STRN4: variants seen among roughly 807,000 people sequenced by gnomAD.
STRN4 encodes the protein striatin 4.
In STRN4, 27 loss-of-function variants were observed where a neutral mutation model predicts 77.9. That is an observed-to-expected ratio of 0.35 (90% CI 0.26 to 0.48). The LOEUF is 0.48. Among genes scored for constraint, STRN4 ranks in the 20% least tolerant of loss-of-function variants. The pLI is 0.99. For missense variants in STRN4, 798 were observed against 1,049.7 expected (o/e 0.76, Z 3.31); for synonymous variants, 466 against 443.1 (o/e 1.05, Z -0.65).
In STRN4 at chr19:46,723,423, C is replaced by T. The variant is rs112959896; in HGVS notation, c.1595-139G>A. On this transcript the variant is annotated intron_variant, in intron 12 of 17. Transcript: ENST00000263280. The surrounding 1 kb of genome is among the most constrained non-coding windows in gnomAD (Gnocchi z 5.5). ...CACCCACTTCACACCTGGTGCCCCT[C>T]GGAACTGTCCACTGCCAGGACAGCC... 1.1e-5 allele frequency: 12 copies of T among 1,110,298 alleles called. No individual in the cohort carries two copies. Among genetic ancestry groups the T allele is most frequent in the Admixed American group, 2.8e-5 (1 of 35,760 alleles). 68.8% of individuals were successfully genotyped at this position (1,110,298 alleles called of 1,614,324 possible). A position where few individuals can be genotyped will look rare whatever the true frequency, so the allele number is the denominator to read the frequency against.
chr19:46,728,784 C>T lies in STRN4; in HGVS notation c.880-7G>A. 2 of 1,613,868 alleles carry T rather than the reference C, an allele frequency of 1.2e-6. No homozygotes were observed. The highest frequency in any genetic ancestry group is 1.7e-6 in the Non-Finnish European group (2 of 1,179,810). On this transcript the variant is annotated splice_region_variant and splice_polypyrimidine_tract_variant and intron_variant, in intron 6 of 17. Coordinates refer to ENST00000263280, the MANE Select transcript of STRN4 (RefSeq NM_013403.3). ...CCAGAGCCTTGGATGGGAGCTGGCA[C>T]ATGGAGAAAGCCAGACAAGTCAGGG... is the stretch of plus-strand genomic sequence containing the variant.
In STRN4 at chr19:46,746,285, C is replaced by T; in HGVS notation, c.146G>A (p.Gly49Asp). Residue 49 changes from glycine (G) to aspartate (D), a missense_variant, in exon 1 of 18, where the codon GGC becomes GAC. Gly to Asp is a moderately conservative substitution (Grantham distance 94, BLOSUM62 -1). Transcript: ENST00000263280. ...CGTGGGCCCGGGGCTGCCTCCGCCG[C>T]CGCCTCCCTTACCTGCCGGGCCCGG... is the stretch of plus-strand genomic sequence containing the variant. ...PGPGPAGKGG[G>D]GGGSPGPTAG... 1 of 1,446,518 alleles carries T rather than the reference C, an allele frequency of 6.9e-7. No homozygotes were observed. Among genetic ancestry groups the T allele is most frequent in the Non-Finnish European group, 9.1e-7 (1 of 1,102,226 alleles). The allele number at this position is 1,446,518 out of a possible 1,614,324, so 89.6% of individuals were successfully genotyped here. A position where few individuals can be genotyped will look rare whatever the true frequency, so the allele number is the denominator to read the frequency against.
chr19:46,728,958 G>A, intron 6 of STRN4, 181 bp from the exon 7 acceptor site: 1 of 803,014 alleles, frequency 1.2e-6, no homozygotes, highest in Non-Finnish European at 1.9e-6. Flanking sequence ...GCTACCACTA[G>A]GGCCGGTCGG....
At chr19:46,724,609 C>T (rs542343897) in intron 12 of STRN4, among the ~76,000 whole-genome samples, 198 bp downstream of exon 12, 23 of 152,280 alleles carry the variant, frequency 1.5e-4, no homozygotes, top group Non-Finnish European at 2.9e-4. Flanking sequence ...CTCCCACAGC[C>T]ATCATTCCCA....
Position 46,720,836 on chromosome 19 carries a change from C to A in STRN4, c.2093-65G>T, listed in dbSNP as rs1471982902. 2.0e-6 allele frequency: 3 copies of A among 1,471,108 alleles called. No homozygotes were observed. The African/African-American group carries it at 4.3e-5, about 21-fold the overall frequency. 91.1% of individuals were successfully genotyped at this position (1,471,108 alleles called of 1,614,324 possible). A position where few individuals can be genotyped will look rare whatever the true frequency, so the allele number is the denominator to read the frequency against. On this transcript the variant is annotated intron_variant, in intron 16 of 17. Transcript: ENST00000263280. ...TCCTCGCTCAGACGCAGCCCTGGAA[C>A]CCCTCACCTGGCCTTGTCCAAAGGC...
intron 17 of STRN4, 94 bp from the exon 18 acceptor site, chr19:46,720,432 G>T: frequency 1.2e-6 from 1 of 822,696 alleles, no homozygotes; most frequent in Non-Finnish European, 1.7e-6. Context: ...GGCTCCCCCA[G>T]TGATTCTCAC....
intron 4 of STRN4, among the ~76,000 whole-genome samples, chr19:46,734,303 T>C (rs946373757): frequency 2.0e-5 from 3 of 152,216 alleles, no homozygotes; most frequent in Admixed American, 6.5e-5. Context: ...GTGGAAAATG[T>C]TTAGCACAGT....
At chr19:46,743,160 A>G (rs771285339) in intron 1 of STRN4, among the ~76,000 whole-genome samples, 2 of 152,346 alleles carry the variant, frequency 1.3e-5, no homozygotes, top group African/African-American at 2.4e-5. Context: ...CATAAGCACA[A>G]TAACTCTTCT....
Position 46,728,721 on chromosome 19 carries a change from A to C in STRN4, c.936T>G (p.Ser312=). Residue 312 remains serine, a synonymous_variant, in exon 7 of 18, where the codon TCT becomes TCG. Coordinates refer to ENST00000263280, the MANE Select transcript of STRN4 (RefSeq NM_013403.3). ...EMEDEDEEDD[S]EDAINEFDFL... ...AATCAAACTCATTGATAGCATCCTCAGAGTCGTCTTCCTCATCCTCGTCTT... is the reference window on the plus strand; with the variant it reads ...AATCAAACTCATTGATAGCATCCTCCGAGTCGTCTTCCTCATCCTCGTCTT... The C allele has an allele frequency of 6.2e-7, 1 of 1,614,196 alleles. No individual in the cohort carries two copies.
At chr19:46,722,982 T>G in intron 13 of STRN4, 32 bp from the exon 14 acceptor site, 1 of 1,612,046 alleles carries the variant, frequency 6.2e-7, no homozygotes, top group Non-Finnish European at 8.5e-7. Context: ...GGCTGCTGAA[T>G]GGACCCTCAG....
chr19:46,724,737 G>A lies in STRN4; in HGVS notation c.1594+70C>T, dbSNP rs765102982. The A allele has an allele frequency of 3.4e-5, 54 of 1,605,904 alleles. No homozygotes were observed. The Middle Eastern group carries it at 5.0e-4, about 15-fold the overall frequency. On this transcript the variant is annotated intron_variant, in intron 12 of 17. Coordinates refer to ENST00000263280, the MANE Select transcript of STRN4 (RefSeq NM_013403.3). ...AGTGTTGGCAAGAGGTGGACGCGACGTGTGTGTGCGTGGAGGGGACGGCCA... is the reference window on the plus strand; with the variant it reads ...AGTGTTGGCAAGAGGTGGACGCGACATGTGTGTGCGTGGAGGGGACGGCCA...
At chr19:46,726,727 A>G (rs1463166607) in intron 9 of STRN4, among the ~76,000 whole-genome samples, 1 of 152,186 alleles carries the variant, frequency 6.6e-6, no homozygotes, top group African/African-American at 2.4e-5. Context: ...CCTCAGCACC[A>G]TGCCCCAAGA....
intron 1 of STRN4, chr19:46,745,833 G>T (rs915054088): frequency 3.0e-4 from 77 of 259,480 alleles, no homozygotes; most frequent in African/African-American, 1.7e-3. Flanking sequence ...AGCGTGCTCA[G>T]TCCCAGTCCC....
At chr19:46,745,211 T>C (rs1485414431) in intron 1 of STRN4, among the ~76,000 whole-genome samples, 1 of 152,044 alleles carries the variant, frequency 6.6e-6, no homozygotes, top group African/African-American at 2.4e-5. Flanking sequence ...TTCAGGGCTC[T>C]CTACCTACAT....
chr19:46,727,411 A>G, intron 9 of STRN4, 41 bp downstream of exon 9: 1 of 1,562,348 alleles, frequency 6.4e-7, no homozygotes, highest in Non-Finnish European at 8.8e-7. Context: ...CCTGGGCGCA[A>G]TGCCAATGGG....
In STRN4 at chr19:46,720,677, G is replaced by A. The variant is rs777204911; in HGVS notation, c.2187C>T (p.His729=). Residue 729 remains histidine (H), a synonymous_variant, in exon 17 of 18, where the codon CAC becomes CAT. Coordinates refer to ENST00000263280, the MANE Select transcript of STRN4 (RefSeq NM_013403.3). ...CCTTGCTGGGGTGGCAGGCAACAGC[G>A]TGGATGGCCTCCTCGTGCTTCTTGC... ...AHRKKHEEAI[H]AVACHPSKAL... 14 of 1,611,138 alleles carry A rather than the reference G, an allele frequency of 8.7e-6. No individual in the cohort carries two copies. Among genetic ancestry groups the A allele is most frequent in the Admixed American group, 5.0e-5 (3 of 59,694 alleles).
rs140702339 is a variant in STRN4, at chr19:46,722,146, G to A, written c.2006-74C>T. On this transcript the variant is annotated intron_variant, in intron 15 of 17. Transcript: ENST00000263280. ...GCCTGAGAGAGTGAAAGGACTGGAC[G>A]AGAGACTCCCAGAGCCTCCCACAGG... 275 of 1,602,432 alleles carry A rather than the reference G, an allele frequency of 1.7e-4. No individual in the cohort carries two copies. In the African/African-American group the frequency reaches 3.1e-3, roughly 18 times the overall value.
In STRN4 at chr19:46,745,756, C is replaced by A. The variant is rs775756630; in HGVS notation, c.282+393G>T. Reference sequence around the variant, plus strand: ...CAGACCCCTCCAGCTCCTCTCCACACCCTTTCCCGAGTTCTCTTAGCCTCC... The same window carrying A: ...CAGACCCCTCCAGCTCCTCTCCACAACCTTTCCCGAGTTCTCTTAGCCTCC... On this transcript the variant is annotated intron_variant, in intron 1 of 17. Transcript: ENST00000263280. 4.3e-3 allele frequency: 717 copies of A among 167,064 alleles called. 8 individuals are homozygous for A. The highest frequency in any genetic ancestry group is 5.6e-3 in the Non-Finnish European group (435 of 77,866). The allele number at this position is 167,064 out of a possible 1,614,324, so 10.3% of individuals were successfully genotyped here.
intron 6 of STRN4, among the ~76,000 whole-genome samples, chr19:46,730,045 G>A (rs1295563605): frequency 6.6e-6 from 1 of 152,230 alleles, no homozygotes; most frequent in Non-Finnish European, 1.5e-5. Flanking sequence ...CACCACGGAT[G>A]ATTCCTGATG....
Sources: allele counts gnomAD v4.1 joint callset (sites outside exome capture counted in the v4.1 genomes callset), GRCh38; gene constraint gnomAD v4.1.1; non-coding constraint Gnocchi (gnomAD v3.1); transcripts MANE v1.5; gene names NCBI Gene and HGNC (gene_info 2026-07-23, HGNC 2026-07-21).